TAAR5: variants seen among roughly 807,000 people sequenced by gnomAD.
TAAR5 encodes the protein trace amine associated receptor 5, also known as trace amine-associated receptor 5.
Under a neutral mutation model 21.1 loss-of-function variants are expected in TAAR5, and 27 were observed. That is an observed-to-expected ratio of 1.28 (90% CI 0.94 to 1.76). The LOEUF is 1.76. Among genes scored for constraint, TAAR5 ranks in the 40% most tolerant of loss-of-function variants. The pLI is 0.00. For missense variants in TAAR5, 495 were observed against 405.6 expected, an observed-to-expected ratio of 1.22 and a Z score of -1.89; for synonymous variants, 203 against 167.5, an observed-to-expected ratio of 1.21 and a Z score of -1.64.
At chr6:132,605,280 G>A in the TAAR5 span, among the ~76,000 whole-genome samples, 6 of 152,314 alleles carry the variant, frequency 3.9e-5, no homozygotes, top group African/African-American at 1.4e-4. Context: ...GCTGTGAAAC[G>A]GGAGAGAAGA....
At chr6:132,598,828 A>G in the TAAR5 span, among the ~76,000 whole-genome samples, 1 of 152,172 alleles carries the variant, frequency 6.6e-6, no homozygotes, top group Non-Finnish European at 1.5e-5. Flanking sequence ...CAAAGGTAGG[A>G]AGAATGAAAA....
the TAAR5 span, among the ~76,000 whole-genome samples, chr6:132,597,926 G>T: frequency 6.6e-6 from 1 of 152,166 alleles, no homozygotes; most frequent in East Asian, 1.9e-4. Context: ...TCAAGGAAAA[G>T]GGGATTTATG....
At chr6:132,603,745 T>G in the TAAR5 span, among the ~76,000 whole-genome samples, 1 of 152,196 alleles carries the variant, frequency 6.6e-6, no homozygotes, top group African/African-American at 2.4e-5. Flanking sequence ...TTCAGGAATC[T>G]TCAAATTCAC....
chr6:132,606,330 G>A, the TAAR5 span, among the ~76,000 whole-genome samples: 1 of 152,082 alleles, frequency 6.6e-6, no homozygotes, highest in Admixed American at 6.5e-5. Flanking sequence ...TTTTAAAACA[G>A]GAACTGAAAA....
At chr6:132,596,710 C>A in the TAAR5 span, among the ~76,000 whole-genome samples, 1 of 151,804 alleles carries the variant, frequency 6.6e-6, no homozygotes. Context: ...GTACTTGAAA[C>A]ACCAAGCCAT....
chr6:132,608,660 A>G, the TAAR5 span: 2 of 455,928 alleles, frequency 4.4e-6, no homozygotes, highest in Non-Finnish European at 8.8e-6. Context: ...CCAGGGGTAA[A>G]GAAACATGTA....
the TAAR5 span, among the ~76,000 whole-genome samples, chr6:132,602,618 T>G: frequency 6.6e-6 from 1 of 152,056 alleles, no homozygotes; most frequent in Non-Finnish European, 1.5e-5. Flanking sequence ...TTCCTAACAG[T>G]CCAAGGACTA....
At chr6:132,608,269 T>C in the TAAR5 span, 1 of 433,592 alleles carries the variant, frequency 2.3e-6, no homozygotes, top group Non-Finnish European at 4.6e-6. Flanking sequence ...AGGAAACAAA[T>C]TTGCAGTTTC....
the TAAR5 span, among the ~76,000 whole-genome samples, chr6:132,600,959 GGGAA>G: frequency 4.4e-4 from 12 of 27,432 alleles, no homozygotes; most frequent in African/African-American, 1.3e-3. Context: ...GAAAGAAGGA[GGGAA>G]GGAGGGAAGG....
chr6:132,606,613 G>A, the TAAR5 span, among the ~76,000 whole-genome samples: 3 of 152,130 alleles, frequency 2.0e-5, no homozygotes, highest in Admixed American at 2.0e-4. Context: ...GTAAAAATGA[G>A]AATATTTTAC....
the TAAR5 span, among the ~76,000 whole-genome samples, chr6:132,609,956 C>T: frequency 6.7e-6 from 1 of 148,532 alleles, no homozygotes; most frequent in South Asian, 2.1e-4. Context: ...CCCTCTGCCT[C>T]TCCTGTCCTC....
chr6:132,600,991 A>G, the TAAR5 span, among the ~76,000 whole-genome samples: 2 of 97,414 alleles, frequency 2.1e-5, no homozygotes, highest in African/African-American at 4.4e-5. Context: ...GAAGGAAGGA[A>G]GGAGGGAAGG....
the TAAR5 span, among the ~76,000 whole-genome samples, chr6:132,609,754 A>G: frequency 1.3e-5 from 2 of 152,294 alleles, no homozygotes; most frequent in Non-Finnish European, 2.9e-5. Context: ...TTCTTTAGGC[A>G]TTCTTTTGAC....
chr6:132,614,260 T>G, the TAAR5 span, among the ~76,000 whole-genome samples: 1 of 152,230 alleles, frequency 6.6e-6, no homozygotes, highest in Non-Finnish European at 1.5e-5. Flanking sequence ...TTAGCATTGT[T>G]GAAATACCTA....
At chr6:132,606,733 C>T in the TAAR5 span, among the ~76,000 whole-genome samples, 1 of 152,032 alleles carries the variant, frequency 6.6e-6, no homozygotes, top group South Asian at 2.1e-4. Context: ...AATTATAATG[C>T]CCTTCGAGAC....
In TAAR5 at chr6:132,588,952, C is replaced by G. The variant is rs1481932156; in HGVS notation, c.735G>C (p.Lys245Asn). The G allele has an allele frequency of 6.2e-7, 1 of 1,613,976 alleles. No individual in the cohort carries two copies. The highest frequency in any genetic ancestry group is 8.5e-7 in the Non-Finnish European group (1 of 1,179,984). ...GGGTCTTGGCAGCTTTTCTCTCATG[C>G]TTGGCAGCCCCAGCCAGGCTTTTGC... is the stretch of plus-strand genomic sequence containing the variant. The part of the protein sequence containing the change: ...TLSKSLAGAA[K>N]HERKAAKTLG... Residue 245 changes from lysine to asparagine, a missense_variant, in exon 1 of 1, where the codon AAG becomes AAC. By Grantham distance (94) the Lys-to-Asn change is moderately conservative. Transcript: ENST00000258034.
chr6:132,589,742 C>CA (rs567338856), upstream of TAAR5: 674 of 60,820 alleles, frequency 0.011, 93 homozygotes, highest in East Asian at 0.02. Flanking sequence ...CACTGGAGGG[C>CA]AAAAAAAAAA....
chr6:132,614,549 T>C, the TAAR5 span, among the ~76,000 whole-genome samples: 29 of 152,336 alleles, frequency 1.9e-4, no homozygotes, highest in Non-Finnish European at 2.8e-4. Context: ...ATTAGAACAT[T>C]TCCAATTCTT....
At chr6:132,604,367 T>C in the TAAR5 span, among the ~76,000 whole-genome samples, 2 of 152,118 alleles carry the variant, frequency 1.3e-5, no homozygotes, top group African/African-American at 4.8e-5. Flanking sequence ...GGTCTTGATC[T>C]CTTGACCTCA....
Sources: gnomAD v4.1 joint callset for allele counts (sites outside exome capture counted in the v4.1 genomes callset) on GRCh38, gnomAD v4.1.1 for gene constraint, MANE v1.5 for transcripts, NCBI Gene and HGNC (gene_info 2026-07-23, HGNC 2026-07-21) for gene names.